Variants in PPM1L observed in about 807,000 individuals in gnomAD.
PPM1L encodes the protein protein phosphatase 1L.
PPM1L carries 13 observed loss-of-function variants against 31.4 expected under a neutral mutation model. That is an observed-to-expected ratio of 0.41 (90% CI 0.27 to 0.66). PPM1L has a LOEUF of 0.66. Ranked by LOEUF, PPM1L falls within the 30% of genes least tolerant of loss-of-function variation. The pLI, the probability that PPM1L is intolerant of heterozygous loss-of-function variation, is 0.29. For missense variants in PPM1L, 326 were observed against 453.7 expected (o/e 0.72, Z 2.56); for synonymous variants, 184 against 175.4 (o/e 1.05, Z -0.39).
At chr3:160,920,601 TCTC>T (rs1714356014) in intron 1 of PPM1L, among the ~76,000 whole-genome samples, 5 of 90,886 alleles carry the variant, frequency 5.5e-5, no homozygotes, top group Admixed American at 1.2e-4. Context: ...TCTCTCTCTC[TCTC>T]TCTCTCTCTC....
intron 2 of PPM1L, chr3:161,022,294 G>A (rs1203558626): frequency 4.1e-6 from 2 of 489,378 alleles, no homozygotes; most frequent in Non-Finnish European, 3.6e-6. Flanking sequence ...CATTCTCTGT[G>A]CTGTTGTCAA....
In PPM1L at chr3:160,838,840, T is replaced by C. The variant is rs537151873; in HGVS notation, c.399+82133T>C. Among the ~76,000 whole-genome samples, 62 of 152,282 alleles carry C rather than the reference T, an allele frequency of 4.1e-4. 2 individuals are homozygous for C. The South Asian group carries it at 0.012, about 31-fold the overall frequency. ...AGGGTCTTGGGGGTTAAAAACAGGC[T>C]TGTCTTTGAGGACTTATGCTATGGC... On this transcript the variant is annotated intron_variant, in intron 1 of 3. Coordinates refer to ENST00000498165, the MANE Select transcript of PPM1L (RefSeq NM_139245.4).
intron 2 of PPM1L, among the ~76,000 whole-genome samples, chr3:161,008,819 A>G (rs1239627753): frequency 6.6e-6 from 1 of 152,226 alleles, no homozygotes; most frequent in South Asian, 2.1e-4. Flanking sequence ...AGTTTGGGAC[A>G]TGCTAAATCA....
chr3:160,801,525 C>G (rs1194332967), intron 1 of PPM1L, among the ~76,000 whole-genome samples: 3 of 152,184 alleles, frequency 2.0e-5, no homozygotes, highest in African/African-American at 7.2e-5. Context: ...TTTGCGCACA[C>G]CAGCAAATGA....
At chr3:160,796,580 C>T (rs1256387792) in intron 1 of PPM1L, among the ~76,000 whole-genome samples, 1 of 152,134 alleles carries the variant, frequency 6.6e-6, no homozygotes, top group African/African-American at 2.4e-5. Context: ...GAGTATTCTG[C>T]CTGTTATCTT....
intron 2 of PPM1L, among the ~76,000 whole-genome samples, chr3:160,979,535 T>C (rs1716725299): frequency 6.6e-6 from 1 of 152,038 alleles, no homozygotes; most frequent in Non-Finnish European, 1.5e-5. Context: ...TTTTTTTACA[T>C]CAATATTCTA....
intron 1 of PPM1L, among the ~76,000 whole-genome samples, chr3:160,828,760 G>GA (rs942140181): frequency 2.6e-5 from 4 of 151,868 alleles, no homozygotes; most frequent in African/African-American, 9.7e-5. Context: ...CAGACCTCAA[G>GA]AAAAGAGAAC....
At chr3:160,864,088 A>T (rs767486524) in intron 1 of PPM1L, among the ~76,000 whole-genome samples, 13 of 152,144 alleles carry the variant, frequency 8.5e-5, no homozygotes, top group Middle Eastern at 3.2e-3. Context: ...CTCCGTATTG[A>T]ATTGCTGGGG....
intron 1 of PPM1L, among the ~76,000 whole-genome samples, chr3:160,935,843 G>A (rs888524246): frequency 6.6e-6 from 1 of 152,222 alleles, no homozygotes; most frequent in African/African-American, 2.4e-5. Context: ...TAGTCTTGTA[G>A]AAAAATCAGA....
chr3:160,796,647 G>A (rs960239759), intron 1 of PPM1L, among the ~76,000 whole-genome samples: 3 of 152,162 alleles, frequency 2.0e-5, no homozygotes, highest in African/African-American at 7.2e-5. Context: ...GCATGACGAA[G>A]GGCTTGAACT....
Position 160,858,494 on chromosome 3 carries a change from G to A in PPM1L, c.399+101787G>A, listed in dbSNP as rs945530346. Among the ~76,000 whole-genome samples the A allele has an allele frequency of 5.3e-5, 8 of 152,192 alleles. No homozygotes were observed. The South Asian group carries it at 1.0e-3, about 20-fold the overall frequency. On this transcript the variant is annotated intron_variant, in intron 1 of 3. Transcript: ENST00000498165. ...ACTCCTGACCTCAGGTGATCCACCC[G>A]CCTTGGCCTCCCAAAGCAAAAGTTA...
intron 1 of PPM1L, among the ~76,000 whole-genome samples, chr3:160,884,308 C>T (rs1712834141): frequency 6.6e-6 from 1 of 152,016 alleles, no homozygotes; most frequent in Non-Finnish European, 1.5e-5. Context: ...GTGTAGGTCT[C>T]CATGGGTTAG....
At chr3:160,796,240 C>CT (rs1334011605) in intron 1 of PPM1L, among the ~76,000 whole-genome samples, 1 of 152,224 alleles carries the variant, frequency 6.6e-6, no homozygotes, top group Non-Finnish European at 1.5e-5. Flanking sequence ...TCATCACCTC[C>CT]TTTTGGATTT....
chr3:161,052,974 C>T (rs1273744650), intron 2 of PPM1L, among the ~76,000 whole-genome samples: 1 of 152,092 alleles, frequency 6.6e-6, no homozygotes, highest in African/African-American at 2.4e-5. Context: ...TCCTGTTATA[C>T]CCCACTCCCA....
chr3:160,997,915 C>T (rs1309855425), intron 2 of PPM1L, among the ~76,000 whole-genome samples: 1 of 151,960 alleles, frequency 6.6e-6, no homozygotes, highest in Non-Finnish European at 1.5e-5. Context: ...CTTTCAATAG[C>T]CAAGAACCAT....
intron 2 of PPM1L, among the ~76,000 whole-genome samples, chr3:161,042,731 G>T (rs1718945906): frequency 6.6e-6 from 1 of 152,072 alleles, no homozygotes; most frequent in African/African-American, 2.4e-5. Flanking sequence ...AACATTGTGG[G>T]TTTTTTTGGC....
At chr3:160,833,528 C>T (rs1713588392) in intron 1 of PPM1L, among the ~76,000 whole-genome samples, 1 of 152,068 alleles carries the variant, frequency 6.6e-6, no homozygotes, top group South Asian at 2.1e-4. Context: ...CTCTAATGAT[C>T]AGTGATGTTG....
At position 161,044,835 on chromosome 3, in the gene PPM1L, TAA is replaced by T. The variant is rs1432103861; in HGVS notation, c.575-20566_575-20565del. ...AAAAGACACAGACTGCCAAATTGGA[TAA>T]AGAGTCAAGACCCATCAGTGTGCTA... On this transcript the variant is annotated intron_variant, in intron 2 of 3. Coordinates refer to ENST00000498165, the MANE Select transcript of PPM1L (RefSeq NM_139245.4). Among the ~76,000 whole-genome samples, 5 of 152,162 alleles carry T rather than the reference TAA, an allele frequency of 3.3e-5. No individual in the cohort carries two copies. In the East Asian group the frequency reaches 7.7e-4, roughly 24 times the overall value.
At chr3:161,033,021 G>A (rs908818090) in intron 2 of PPM1L, among the ~76,000 whole-genome samples, 2 of 151,692 alleles carry the variant, frequency 1.3e-5, no homozygotes, top group Non-Finnish European at 2.9e-5. Context: ...AGTATTGGGT[G>A]TTAAGGGATG....
Sources: gnomAD v4.1 joint callset for allele counts (sites outside exome capture counted in the v4.1 genomes callset) on GRCh38, gnomAD v4.1.1 for gene constraint, MANE v1.5 for transcripts, NCBI Gene and HGNC (gene_info 2026-07-23, HGNC 2026-07-21) for gene names.